Variants in TMCC1 observed in about 807,000 individuals in gnomAD.
The protein encoded by TMCC1 is transmembrane and coiled-coil domains protein 1.
A neutral mutation model predicts 52.4 loss-of-function variants in TMCC1; 15 were observed. The ratio of observed to expected loss-of-function variants is 0.29; its 90% confidence interval spans 0.19 to 0.44. The LOEUF is 0.44. Among genes scored for constraint, TMCC1 ranks in the 20% least tolerant of loss-of-function variants. TMCC1 has a pLI of 1.00. For synonymous variants in TMCC1, 279 were observed against 301.9 expected, an observed-to-expected ratio of 0.92 and a Z score of 0.79; for missense variants, 503 against 806.0, an observed-to-expected ratio of 0.62 and a Z score of 4.55.
chr3:129,892,976 C>T (rs1299517258), intron 1 of TMCC1, among the ~76,000 whole-genome samples: 1 of 152,178 alleles, frequency 6.6e-6, no homozygotes, highest in Admixed American at 6.5e-5. Context: ...CCCAGTACGC[C>T]GGGCTCCCTC....
intron 4 of TMCC1, among the ~76,000 whole-genome samples, chr3:129,729,153 A>G (rs1420844777): frequency 6.6e-6 from 1 of 151,830 alleles, no homozygotes; most frequent in East Asian, 1.9e-4. Flanking sequence ...AAATTTTTCC[A>G]GAGTAGTTTT....
chr3:129,685,039 A>G (rs1328068711), intron 4 of TMCC1, among the ~76,000 whole-genome samples: 1 of 152,190 alleles, frequency 6.6e-6, no homozygotes, highest in Non-Finnish European at 1.5e-5. Context: ...CAGGTATGAC[A>G]GCAAAGTACT....
intron 4 of TMCC1, among the ~76,000 whole-genome samples, chr3:129,778,077 T>C (rs938389127): frequency 3.9e-5 from 6 of 152,232 alleles, no homozygotes; most frequent in African/African-American, 1.4e-4. Context: ...GCTTCTCTTT[T>C]GTTCTTCTCT....
At chr3:129,724,853 TAAAAG>T (rs1370517883) in intron 4 of TMCC1, among the ~76,000 whole-genome samples, 1 of 152,094 alleles carries the variant, frequency 6.6e-6, no homozygotes, top group Non-Finnish European at 1.5e-5. Flanking sequence ...ACAATGGAGA[TAAAAG>T]AAAACTGTAC....
chr3:129,655,908 A>C (rs534540058), intron 5 of TMCC1, among the ~76,000 whole-genome samples: 19 of 152,342 alleles, frequency 1.2e-4, no homozygotes, highest in African/African-American at 4.6e-4. Flanking sequence ...GGATGAGATC[A>C]GAGATTCTAG....
chr3:129,766,257 C>T (rs920724165), intron 4 of TMCC1, among the ~76,000 whole-genome samples: 3 of 152,158 alleles, frequency 2.0e-5, no homozygotes, highest in Non-Finnish European at 4.4e-5. Flanking sequence ...AGAAGACTGA[C>T]ACAAAGATAA....
chr3:129,698,456 A>C (rs1477516196), intron 4 of TMCC1, among the ~76,000 whole-genome samples: 2 of 152,204 alleles, frequency 1.3e-5, no homozygotes, highest in Non-Finnish European at 2.9e-5. Context: ...TAGCCAAACC[A>C]TATCACAATG....
chr3:129,764,230 T>C (rs2053892014), intron 4 of TMCC1, among the ~76,000 whole-genome samples: 1 of 152,248 alleles, frequency 6.6e-6, no homozygotes, highest in Non-Finnish European at 1.5e-5. Flanking sequence ...GACAGCAGCA[T>C]TATTCAGCCT....
intron 5 of TMCC1, among the ~76,000 whole-genome samples, chr3:129,662,551 T>C (rs1309784129): frequency 3.3e-5 from 5 of 152,034 alleles, no homozygotes; most frequent in African/African-American, 4.8e-5. Context: ...GGCACGACAA[T>C]TGCTTGAAAC....
chr3:129,678,068 T>C (rs1011314920), intron 4 of TMCC1, among the ~76,000 whole-genome samples: 3 of 151,800 alleles, frequency 2.0e-5, no homozygotes, highest in African/African-American at 7.3e-5. Flanking sequence ...CATGGGATTA[T>C]AGGTGTATGC....
rs530572374 is a variant in TMCC1, at chr3:129,679,057, C to A, written c.577-7793G>T. Among the ~76,000 whole-genome samples, 24 of 152,286 alleles carry A rather than the reference C, an allele frequency of 1.6e-4. No individual in the cohort carries two copies. The South Asian group carries it at 4.8e-3, about 30-fold the overall frequency. The stretch of plus-strand genomic sequence containing the variant: ...ATGATCTACACCTGCACCACTACAT[C>A]CCATAAACTCCGTGACTTCATCTCT... On this transcript the variant is annotated intron_variant, in intron 4 of 6. Transcript: ENST00000393238.
At chr3:129,672,441 T>C (rs967667467) in intron 4 of TMCC1, among the ~76,000 whole-genome samples, 3 of 152,046 alleles carry the variant, frequency 2.0e-5, no homozygotes, top group African/African-American at 4.8e-5. Context: ...CTACACATTT[T>C]TTTTTTAAAT....
intron 4 of TMCC1, among the ~76,000 whole-genome samples, chr3:129,779,689 A>G (rs1485358958): frequency 6.6e-6 from 1 of 152,206 alleles, no homozygotes; most frequent in Non-Finnish European, 1.5e-5. Context: ...TATCTTTCCA[A>G]GTAAACTGCC....
chr3:129,870,444 G>A (rs1305617735), intron 2 of TMCC1, among the ~76,000 whole-genome samples: 1 of 151,794 alleles, frequency 6.6e-6, no homozygotes, highest in Non-Finnish European at 1.5e-5. Flanking sequence ...ATTAGATATG[G>A]TGGCTAATGA....
At chr3:129,706,350 C>A (rs888861460) in intron 4 of TMCC1, among the ~76,000 whole-genome samples, 2 of 151,298 alleles carry the variant, frequency 1.3e-5, no homozygotes, top group Non-Finnish European at 2.9e-5. Flanking sequence ...GGACTACAAA[C>A]GTGCACCACC....
rs1461967148 is a variant in TMCC1, at chr3:129,649,292, C to CA, written c.*2188dup. On this transcript the variant is annotated 3_prime_UTR_variant, in exon 7 of 7. Transcript: ENST00000393238. ...AGAAAGTTAGGAGAAACTGTCAGTT[C>CA]AAAAAGTTCATAGTGTCCTTTGGCA... is the stretch of plus-strand genomic sequence containing the variant. 1 of 152,184 alleles carries CA rather than the reference C, an allele frequency of 6.6e-6. No individual in the cohort carries two copies. Among genetic ancestry groups the CA allele is most frequent in the Non-Finnish European group, 1.5e-5 (1 of 68,040 alleles). 9.4% of individuals were successfully genotyped at this position (152,184 alleles called of 1,614,324 possible). A position where few individuals can be genotyped will look rare whatever the true frequency, so the allele number is the denominator to read the frequency against.
At chr3:129,892,482 AGTTTT>A (rs1413321452) in intron 1 of TMCC1, 1 of 152,138 alleles carries the variant, frequency 6.6e-6, no homozygotes, top group Non-Finnish European at 1.5e-5. Context: ...AACAAATCAA[AGTTTT>A]GTTTTATTTT....
intron 4 of TMCC1, among the ~76,000 whole-genome samples, chr3:129,769,206 T>C (rs1246613101): frequency 6.6e-6 from 1 of 152,190 alleles, no homozygotes; most frequent in Non-Finnish European, 1.5e-5. Flanking sequence ...CAAACACAAA[T>C]TCATAAAGTT....
chr3:129,699,177 G>C (rs1025582737), intron 4 of TMCC1, among the ~76,000 whole-genome samples: 1 of 152,166 alleles, frequency 6.6e-6, no homozygotes, highest in Non-Finnish European at 1.5e-5. Flanking sequence ...ATAACACTGA[G>C]ACTTACTGGG....
Sources: allele counts gnomAD v4.1 joint callset (sites outside exome capture counted in the v4.1 genomes callset), GRCh38; gene constraint gnomAD v4.1.1; transcripts MANE v1.5; gene names NCBI Gene and HGNC (gene_info 2026-07-23, HGNC 2026-07-21).